COL9A1: variants seen among roughly 807,000 people sequenced by gnomAD.
The protein encoded by COL9A1 is collagen alpha-1(IX) chain.
A neutral mutation model predicts 142.6 loss-of-function variants in COL9A1; 104 were observed. The ratio of observed to expected loss-of-function variants is 0.73; its 90% CI spans 0.62 to 0.86. The LOEUF is 0.86. Ranked by LOEUF, COL9A1 falls within the 40% of genes least tolerant of loss-of-function variation. The pLI, the probability that COL9A1 is intolerant of heterozygous loss-of-function variation, is 0.00. For missense variants in COL9A1, 1,210 were observed against 1,176.6 expected (o/e 1.03, Z -0.42); for synonymous variants, 466 against 396.0 (o/e 1.18, Z -2.10).
At chr6:70,276,903 C>A (rs1275159626) in intron 10 of COL9A1, among the ~76,000 whole-genome samples, 1 of 152,178 alleles carries the variant, frequency 6.6e-6, no homozygotes, top group Non-Finnish European at 1.5e-5. Context: ...GAGAAAAGGT[C>A]CTACAAACAA....
At position 70,275,185 on chromosome 6, in the gene COL9A1, T is replaced by A. The variant is rs546015402; in HGVS notation, c.976-413A>T. On this transcript the variant is annotated intron_variant, in intron 10 of 37. Coordinates refer to ENST00000357250, the MANE Select transcript of COL9A1 (RefSeq NM_001851.6). ...ATTTATGAAACAAAAATACTATGTA[T>A]CTCTCTACAGGACAATAATCTCTTT... 152 of 220,402 alleles carry A rather than the reference T, an allele frequency of 6.9e-4. 1 individual carries two copies. The highest frequency in any genetic ancestry group is 3.4e-3 in the African/African-American group (148 of 42,900). The allele number at this position is 220,402 out of a possible 1,614,324, so 13.7% of individuals were successfully genotyped here.
intron 28 of COL9A1, among the ~76,000 whole-genome samples, chr6:70,244,214 C>T (rs1250736022): frequency 6.6e-6 from 1 of 152,170 alleles, no homozygotes; most frequent in Non-Finnish European, 1.5e-5. Context: ...CATTTTTCAA[C>T]AACTTTATAT....
intron 28 of COL9A1, among the ~76,000 whole-genome samples, chr6:70,244,260 T>C (rs1372026713): frequency 6.6e-6 from 1 of 152,240 alleles, no homozygotes; most frequent in Admixed American, 6.5e-5. Context: ...TTTGGGATGA[T>C]GCATTGGTCC....
intron 4 of COL9A1, among the ~76,000 whole-genome samples, chr6:70,297,227 T>A (rs1773878662): frequency 6.6e-6 from 1 of 152,084 alleles, no homozygotes; most frequent in Non-Finnish European, 1.5e-5. Flanking sequence ...TAATTTAAAA[T>A]GATGGAGGGT....
At chr6:70,253,363 C>T (rs1235422579) in intron 26 of COL9A1, 22 bp downstream of exon 26, 9 of 1,509,004 alleles carry the variant, frequency 6.0e-6, no homozygotes, top group Non-Finnish European at 8.3e-6. Flanking sequence ...AAGATATTAA[C>T]TTAAATTTTA....
intron 10 of COL9A1, chr6:70,280,337 T>C: frequency 1.7e-6 from 2 of 1,191,024 alleles, no homozygotes; most frequent in Non-Finnish European, 2.1e-6. Context: ...GATTTAGGAG[T>C]GCTCTGGCCC....
chr6:70,294,657 A>G (rs1773787451), intron 4 of COL9A1, 94 bp from the exon 5 acceptor site: 1 of 1,198,634 alleles, frequency 8.3e-7, no homozygotes, highest in Admixed American at 1.7e-5. Context: ...TAGATGCCAG[A>G]CCTATAGAAA....
chr6:70,294,222 A>G lies in COL9A1; in HGVS notation c.641T>C (p.Ile214Thr), dbSNP rs551707191. Reference protein sequence around the residue: ...LPIKPRGPIDIDGFAVLGKLA... With the variant: ...LPIKPRGPIDTDGFAVLGKLA... ...TTTTCCCAGCACAGCAAAGCCATCA[A>G]TGTCAATTGGGCCTCTTGGCTTTAT... The change falls in exon 5 of 38, where the codon ATT becomes ACT. Residue 214 changes from isoleucine to threonine, a missense_variant. Ile to Thr is a moderately conservative substitution (Grantham distance 89). Coordinates refer to ENST00000357250, the MANE Select transcript of COL9A1 (RefSeq NM_001851.6). The G allele has an allele frequency of 2.5e-6, 4 of 1,614,102 alleles. No individual in the cohort carries two copies. In the Admixed American group the frequency reaches 5.0e-5, roughly 20 times the overall value.
At chr6:70,285,268 G>C (rs1773406726) in intron 5 of COL9A1, among the ~76,000 whole-genome samples, 1 of 152,180 alleles carries the variant, frequency 6.6e-6, no homozygotes, top group Admixed American at 6.5e-5. Flanking sequence ...GTGCCACATA[G>C]ATCAAGAGTT....
At chr6:70,270,400 A>T (rs749453037) in intron 14 of COL9A1, 33 bp from the exon 15 acceptor site, 1 of 1,598,490 alleles carries the variant, frequency 6.3e-7, no homozygotes, top group Non-Finnish European at 8.6e-7. Context: ...CACAGTGGTT[A>T]TACATGTGTC....
At chr6:70,293,695 T>C (rs1019814289) in intron 5 of COL9A1, among the ~76,000 whole-genome samples, 3 of 147,032 alleles carry the variant, frequency 2.0e-5, no homozygotes, top group African/African-American at 7.5e-5. Flanking sequence ...ACATATATCA[T>C]CCAAATCAGC....
chr6:70,300,464 ATAATAATAAT>A, intron 2 of COL9A1, 78 bp from the exon 3 acceptor site: 1 of 558,606 alleles, frequency 1.8e-6, no homozygotes, highest in Non-Finnish European at 2.7e-6. Flanking sequence ...AAATAAAATA[ATAATAATAAT>A]AATAAAATTT....
chr6:70,249,187 T>TTTTTTTTTTTTTTTTTTTTTG (rs1554237008), intron 28 of COL9A1, among the ~76,000 whole-genome samples: 1 of 151,532 alleles, frequency 6.6e-6, no homozygotes, highest in Non-Finnish European at 1.5e-5. Context: ...TGAAGATTTT[T>TTTTTTTTTTTTTTTTTTTTTG]AAATGGGGAG....
intron 5 of COL9A1, among the ~76,000 whole-genome samples, chr6:70,292,636 T>C (rs1268321035): frequency 6.6e-6 from 1 of 152,200 alleles, no homozygotes; most frequent in Admixed American, 6.5e-5. Flanking sequence ...CAGAATTTAG[T>C]GTTATAAAGA....
chr6:70,283,368 C>T, intron 6 of COL9A1: 5 of 850,204 alleles, frequency 5.9e-6, no homozygotes, highest in Non-Finnish European at 7.0e-6. Flanking sequence ...ATCCCATCCA[C>T]CCCAGTGCAG....
chr6:70,260,542 C>G (rs1052707241), intron 20 of COL9A1, 115 bp downstream of exon 20: 1 of 861,446 alleles, frequency 1.2e-6, no homozygotes, highest in African/African-American at 1.8e-5. Context: ...GAGTGAAACT[C>G]CATCTCAAAA....
chr6:70,221,367 ATGT>A (rs1389872075), intron 37 of COL9A1, among the ~76,000 whole-genome samples: 1 of 152,208 alleles, frequency 6.6e-6, no homozygotes, highest in Admixed American at 6.5e-5. Flanking sequence ...CTTGAGCTTA[ATGT>A]TGTGGTATTT....
chr6:70,233,339 G>A (rs1414183723), intron 35 of COL9A1, among the ~76,000 whole-genome samples: 1 of 152,040 alleles, frequency 6.6e-6, no homozygotes, highest in African/African-American at 2.4e-5. Flanking sequence ...TTTTTTCCAC[G>A]CTTGAAATAG....
rs200829297 is a variant in COL9A1, at chr6:70,217,046, G to A, written c.2617C>T (p.Arg873Ter). ...CCTGGGGGGCCTCGCTCACCGTCTC[G>A]GCCATTTCTGCCATAGCTGGCAGGG... is the stretch of plus-strand genomic sequence containing the variant. ...PGPASYGRNG[R>*]DGERGPPGVA... Residue 873 changes from arginine (R) to a stop codon, truncating the protein, a stop_gained, in exon 38 of 38, where the codon CGA becomes TGA. Transcript: ENST00000357250. LOFTEE classifies it high-confidence loss of function. 9.3e-6 allele frequency: 15 copies of A among 1,614,014 alleles called. No homozygotes were observed. Among genetic ancestry groups the A allele is most frequent in the African/African-American group, 2.7e-5 (2 of 74,924 alleles).
Sources: gnomAD v4.1 joint callset for allele counts (sites outside exome capture counted in the v4.1 genomes callset) on GRCh38, gnomAD v4.1.1 for gene constraint, MANE v1.5 for transcripts, NCBI Gene and HGNC (gene_info 2026-07-23, HGNC 2026-07-21) for gene names.